GDF5: variants seen among roughly 807,000 people sequenced by gnomAD.
The protein encoded by GDF5 is growth differentiation factor 5.
GDF5 carries 17 observed loss-of-function variants against 34.6 expected under a neutral mutation model. The observed-to-expected ratio is 0.49, with a 90% CI of 0.34 to 0.74. GDF5 has a LOEUF of 0.74. Among genes scored for constraint, GDF5 ranks in the 30% least tolerant of loss-of-function variants. GDF5 has a pLI of 0.01. For missense variants in GDF5, 616 were observed against 661.2 expected, an observed-to-expected ratio of 0.93 and a Z score of 0.75; for synonymous variants, 332 against 290.7, an observed-to-expected ratio of 1.14 and a Z score of -1.44.
At chr20:35,451,076 T>TATATATAA (rs1555824841) in intron 1 of GDF5, among the ~76,000 whole-genome samples, 2 of 42,676 alleles carry the variant, frequency 4.7e-5, no homozygotes, top group African/African-American at 4.4e-4. Context: ...TATATATATA[T>TATATATAA]ATATATATAT....
chr20:35,446,709 T>C (rs893839342), intron 1 of GDF5, among the ~76,000 whole-genome samples: 1 of 152,188 alleles, frequency 6.6e-6, no homozygotes, highest in African/African-American at 2.4e-5. Flanking sequence ...AGTAGTTAAG[T>C]GATCGGCACA....
chr20:35,435,045 T>TA, intron 1 of GDF5: 2 of 622,278 alleles, frequency 3.2e-6, no homozygotes, highest in Non-Finnish European at 3.0e-6. Context: ...TGTGTCATGA[T>TA]ATACGTGTTA....
intron 1 of GDF5, among the ~76,000 whole-genome samples, chr20:35,447,508 G>T (rs2146590145): frequency 6.6e-6 from 1 of 152,310 alleles, no homozygotes; most frequent in East Asian, 1.9e-4. Flanking sequence ...GCTGGAAATT[G>T]TATGTGAGTG....
intron 1 of GDF5, among the ~76,000 whole-genome samples, chr20:35,449,750 A>G (rs539580141): frequency 6.6e-6 from 1 of 151,842 alleles, no homozygotes; most frequent in Admixed American, 6.6e-5. Context: ...TTGGGAGGCT[A>G]AAGTAGGAAC....
chr20:35,447,967 T>A lies in GDF5; in HGVS notation c.-397-6580A>T, dbSNP rs1211922897. 1.0e-4 allele frequency among the ~76,000 whole-genome samples: 15 copies of A among 146,564 alleles called. No homozygotes were observed. The South Asian group carries it at 2.4e-3, about 23-fold the overall frequency. On this transcript the variant is annotated intron_variant, in intron 1 of 3. Coordinates refer to the GDF5 transcript ENST00000374372. The stretch of plus-strand genomic sequence containing the variant: ...CCGTCTCTATAAAATAAAAAAAAAA[T>A]TTAAACACCTTTTTATCGATGCATG...
At chr20:35,440,754 TTATAAC>T (rs1306256659), upstream of GDF5, among the ~76,000 whole-genome samples, 2 of 152,242 alleles carry the variant, frequency 1.3e-5, no homozygotes, top group Non-Finnish European at 2.9e-5. Context: ...ACTTAATTCC[TTATAAC>T]TATAATAATT....
In GDF5 at chr20:35,433,869, C is replaced by G. The variant is rs1444151505; in HGVS notation, c.*40G>C. The G allele has an allele frequency of 1.3e-6, 2 of 1,579,040 alleles. No individual in the cohort carries two copies. Among genetic ancestry groups the G allele is most frequent in the Non-Finnish European group, 1.7e-6 (2 of 1,148,230 alleles). On this transcript the variant is annotated 3_prime_UTR_variant, in exon 2 of 2. Coordinates refer to ENST00000374369, the MANE Select transcript of GDF5 (RefSeq NM_000557.5). ...GATTCCAGGAGTGCAGGAAGGGGCT[C>G]TTGGGATGTGCCACCCAGGAAGACA...
At chr20:35,452,567 C>T (rs901734638) in intron 1 of GDF5, among the ~76,000 whole-genome samples, 19 of 152,174 alleles carry the variant, frequency 1.2e-4, no homozygotes, top group African/African-American at 4.6e-4. Context: ...GGATTACAGG[C>T]ATGCGCCACC....
upstream of GDF5, among the ~76,000 whole-genome samples, chr20:35,439,107 G>A (rs2062488672): frequency 6.6e-6 from 1 of 151,920 alleles, no homozygotes; most frequent in Admixed American, 6.6e-5. Context: ...TTGGATGGCG[G>A]CAGGTCCAGG....
At chr20:35,448,369 T>TCCTGG (rs1485191335) in intron 1 of GDF5, among the ~76,000 whole-genome samples, 1 of 145,352 alleles carries the variant, frequency 6.9e-6, no homozygotes, top group Non-Finnish European at 1.5e-5. Flanking sequence ...ACATCTGTAG[T>TCCTGG]CCTGGCTACG....
At chr20:35,436,379 C>G in intron 1 of GDF5, among the ~76,000 whole-genome samples, 1 of 151,906 alleles carries the variant, frequency 6.6e-6, no homozygotes, top group South Asian at 2.1e-4. Flanking sequence ...CCTCTCCCAC[C>G]CTCTGACCCC....
At chr20:35,438,824 C>CGCGTGTGTGT (rs1196886737), upstream of GDF5, among the ~76,000 whole-genome samples, 6 of 126,490 alleles carry the variant, frequency 4.7e-5, no homozygotes, top group South Asian at 2.8e-4. Context: ...ATTTGTTATG[C>CGCGTGTGTGT]GTGTGTGTGT....
chr20:35,436,852 C>G (rs2146582211), intron 1 of GDF5, among the ~76,000 whole-genome samples: 1 of 152,314 alleles, frequency 6.6e-6, no homozygotes, highest in South Asian at 2.1e-4. Flanking sequence ...CTCCTCTATC[C>G]CCTTGCCTGA....
chr20:35,439,247 T>G (rs2062489312), upstream of GDF5, among the ~76,000 whole-genome samples: 1 of 150,776 alleles, frequency 6.6e-6, no homozygotes, highest in Admixed American at 6.6e-5. Context: ...TTTTTTTTTT[T>G]TTTTTTTTGA....
At chr20:35,439,905 C>CTTT (rs1291309788), upstream of GDF5, among the ~76,000 whole-genome samples, 2 of 98,994 alleles carry the variant, frequency 2.0e-5, no homozygotes, top group African/African-American at 7.1e-5. Context: ...GATAGGCTTC[C>CTTT]TTCTTTTTTT....
Position 35,437,475 on chromosome 20 carries a change from G to C in GDF5, c.454C>G (p.Pro152Ala). 1.2e-6 allele frequency: 2 copies of C among 1,614,110 alleles called. No homozygotes were observed. The highest frequency in any genetic ancestry group is 2.2e-5 in the South Asian group (2 of 91,084). The change falls in exon 1 of 2, where the codon CCC (proline) becomes GCC (alanine). Residue 152 changes from proline (P) to alanine (A), a missense_variant. By Grantham distance (27) the Pro-to-Ala change is conservative (BLOSUM62 -1). Transcript: ENST00000374369. Reference sequence around the variant, plus strand: ...TCCTTGGGCTCTCGTGGGGGCCCGGGCTCCCTGGCCTTCTTCAGCAGGAAG... The same window carrying C: ...TCCTTGGGCTCTCGTGGGGGCCCGGCCTCCCTGGCCTTCTTCAGCAGGAAG... ...SSFLLKKARE[P>A]GPPREPKEPF... is the part of the protein sequence containing the mutation.
rs748144622 is a variant in GDF5 at position 35,434,165 on chromosome 20, C to G, written c.1250G>C (p.Trp417Ser). 9 of 1,614,074 alleles carry G rather than the reference C, an allele frequency of 5.6e-6. No homozygotes were observed. In the Admixed American group the frequency reaches 1.5e-4, roughly 27 times the overall value. Residue 417 changes from tryptophan (W) to serine (S), a missense_variant, in exon 2 of 2, where the codon TGG becomes TCG. Trp to Ser is a radical substitution (Grantham distance 177, BLOSUM62 -3). Coordinates refer to ENST00000374369, the MANE Select transcript of GDF5 (RefSeq NM_000557.5). ...VNFKDMGWDDWIIAPLEYEAF... is the reference protein window; with the variant it reads ...VNFKDMGWDDSIIAPLEYEAF... The stretch of plus-strand genomic sequence containing the variant: ...CTCGTACTCAAGGGGTGCGATGATC[C>G]AGTCGTCCCAGCCCATGTCCTTGAA...
In GDF5 at chr20:35,434,650, G is replaced by A; in HGVS notation, c.765C>T (p.Pro255=). The A allele has an allele frequency of 1.2e-6, 2 of 1,608,762 alleles. No individual in the cohort carries two copies. The highest frequency in any genetic ancestry group is 1.7e-6 in the Non-Finnish European group (2 of 1,176,488). ...KPSDTAKPAA[P]GGGRAAQLKL... is the part of the protein sequence containing the mutation. ...TCAGCTGGGCAGCCCGCCCGCCTCC[G>A]GGGGCCGCTGGCTTGGCCGTGTCCG... The change falls in exon 2 of 2, where the codon CCC becomes CCT. Residue 255 remains proline (P), a synonymous_variant. Transcript: ENST00000374369.
chr20:35,452,624 G>A (rs146169135), intron 1 of GDF5, among the ~76,000 whole-genome samples: 2,753 of 152,194 alleles, frequency 0.018, 91 homozygotes, highest in African/African-American at 0.064. Context: ...GTTTCTCCCT[G>A]TTGGTCAGGA....
Sources: allele counts gnomAD v4.1 joint callset (sites outside exome capture counted in the v4.1 genomes callset), GRCh38; gene constraint gnomAD v4.1.1; transcripts MANE v1.5; gene names NCBI Gene and HGNC (gene_info 2026-07-23, HGNC 2026-07-21).